SPSB4: variants seen among roughly 807,000 people sequenced by gnomAD.
The protein encoded by SPSB4 is SPRY domain-containing SOCS box protein 4.
A neutral mutation model predicts 20.9 loss-of-function variants in SPSB4; 21 were observed. That is an observed-to-expected ratio of 1.01 (90% CI 0.71 to 1.45). The LOEUF is 1.45. Among genes scored for constraint, SPSB4 ranks in the 40% most tolerant of loss-of-function variants. SPSB4 has a pLI of 0.00. For synonymous variants in SPSB4, 207 were observed against 183.8 expected (o/e 1.13, Z -1.02); for missense variants, 399 against 399.2 (o/e 1.00, Z 0.00).
chr3:141,114,426 G>A (rs1938853715), intron 2 of SPSB4, among the ~76,000 whole-genome samples: 2 of 152,224 alleles, frequency 1.3e-5, no homozygotes, highest in Admixed American at 1.3e-4. Context: ...TGAATGCGCA[G>A]GTGCCTGTCC....
chr3:141,072,350 C>G (rs1938023548), intron 2 of SPSB4, among the ~76,000 whole-genome samples: 1 of 152,190 alleles, frequency 6.6e-6, no homozygotes, highest in Non-Finnish European at 1.5e-5. Context: ...TATTTGTTTC[C>G]TACAAATCTC....
intron 2 of SPSB4, among the ~76,000 whole-genome samples, chr3:141,142,728 G>A (rs1320912192): frequency 2.0e-5 from 3 of 148,858 alleles, no homozygotes; most frequent in Admixed American, 6.7e-5. Flanking sequence ...CCTGTGTTAG[G>A]TACATATATA....
intron 2 of SPSB4, among the ~76,000 whole-genome samples, chr3:141,097,768 A>G (rs1253731275): frequency 1.3e-5 from 2 of 152,176 alleles, no homozygotes; most frequent in Non-Finnish European, 2.9e-5. Context: ...GCAAAAGGTC[A>G]GTGAGCCTCT....
chr3:141,095,674 G>T (rs1399650938), intron 2 of SPSB4, among the ~76,000 whole-genome samples: 1 of 152,144 alleles, frequency 6.6e-6, no homozygotes, highest in Non-Finnish European at 1.5e-5. Flanking sequence ...TGTCCCCTCG[G>T]AACATTCTGG....
At position 141,111,354 on chromosome 3, in the gene SPSB4, CTTTTTTTTTTTTT is replaced by C. The variant is rs34223433; in HGVS notation, c.695-35774_695-35762del. 6.5e-5 allele frequency among the ~76,000 whole-genome samples: 4 copies of C among 61,810 alleles called. No homozygotes were observed. In the East Asian group the frequency reaches 2.5e-3, roughly 39 times the overall value. The allele number at this position is 61,810 out of a possible 152,430, so 40.5% of individuals were successfully genotyped here. ...CCTAATTACTAAACCCTGGAACTTG[CTTTTTTTTTTTTT>C]TTTTTTTTTTTTTGGTAAGGGACAA... On this transcript the variant is annotated intron_variant, in intron 2 of 2. Coordinates refer to ENST00000310546, the MANE Select transcript of SPSB4 (RefSeq NM_080862.3).
At position 141,138,972 on chromosome 3, in the gene SPSB4, G is replaced by A. The variant is rs1253610660; in HGVS notation, c.695-8170G>A. On this transcript the variant is annotated intron_variant, in intron 2 of 2. Coordinates refer to ENST00000310546, the MANE Select transcript of SPSB4 (RefSeq NM_080862.3). ...CCATTATTATTGTGTGGGTGTCTAAGTCTTTTTGTAGGTTACTAAGGACTT... is the reference window on the plus strand; with the variant it reads ...CCATTATTATTGTGTGGGTGTCTAAATCTTTTTGTAGGTTACTAAGGACTT... 2.0e-5 allele frequency among the ~76,000 whole-genome samples: 3 copies of A among 152,288 alleles called. No homozygotes were observed. In the South Asian group the frequency reaches 6.2e-4, roughly 32 times the overall value.
rs151266368 is a variant in SPSB4 at position 141,082,278 on chromosome 3, C to T, written c.694+15480C>T. On this transcript the variant is annotated intron_variant, in intron 2 of 2. Coordinates refer to ENST00000310546, the MANE Select transcript of SPSB4 (RefSeq NM_080862.3). Reference sequence around the variant, plus strand: ...GCTTTGCCAGGTCTCCCAGGGAGTGCGCCTGGCAGGAGGTAGCCCAGTGCC... The same window carrying T: ...GCTTTGCCAGGTCTCCCAGGGAGTGTGCCTGGCAGGAGGTAGCCCAGTGCC... Among the ~76,000 whole-genome samples, 1,079 of 152,340 alleles carry T rather than the reference C, an allele frequency of 7.1e-3. 11 individuals are homozygous for T. The highest frequency in any genetic ancestry group is 0.025 in the African/African-American group (1,022 of 41,588).
In SPSB4 at chr3:141,142,966, G is replaced by A. The variant is rs969947488; in HGVS notation, c.695-4176G>A. ...CGAGTAGCTGGGACTACAGGCACCCGCCACCACGCCCAGCTAATTTTTTGT... is the reference window on the plus strand; with the variant it reads ...CGAGTAGCTGGGACTACAGGCACCCACCACCACGCCCAGCTAATTTTTTGT... On this transcript the variant is annotated intron_variant, in intron 2 of 2. Transcript: ENST00000310546. 9.2e-5 allele frequency among the ~76,000 whole-genome samples: 14 copies of A among 151,514 alleles called. No homozygotes were observed. The East Asian group carries it at 9.7e-4, about 10-fold the overall frequency.
rs554884826 is a variant in SPSB4 at position 141,147,185 on chromosome 3, C to G, written c.738C>G (p.Arg246=). ...PLMDLCRRSI[R]SALGRQRLQD... is the part of the protein sequence containing the mutation. ...TGGACCTGTGCCGGAGATCCATCCGCTCGGCCCTGGGCCGCCAGCGCCTGC... is the reference window on the plus strand; with the variant it reads ...TGGACCTGTGCCGGAGATCCATCCGGTCGGCCCTGGGCCGCCAGCGCCTGC... The change falls in exon 3 of 3, where the codon CGC becomes CGG. Residue 246 remains arginine, a synonymous_variant. Coordinates refer to ENST00000310546, the MANE Select transcript of SPSB4 (RefSeq NM_080862.3). 5 of 1,614,228 alleles carry G rather than the reference C, an allele frequency of 3.1e-6. No homozygotes were observed. The African/African-American group carries it at 5.3e-5, about 17-fold the overall frequency.
chr3:141,057,896 T>C (rs1470360689), intron 1 of SPSB4, among the ~76,000 whole-genome samples: 1 of 152,244 alleles, frequency 6.6e-6, no homozygotes, highest in Non-Finnish European at 1.5e-5. Context: ...TTGTCATTAT[T>C]CAGATCTCTC....
At chr3:141,140,883 A>C (rs1413170927) in intron 2 of SPSB4, among the ~76,000 whole-genome samples, 1 of 151,182 alleles carries the variant, frequency 6.6e-6, no homozygotes, top group African/African-American at 2.4e-5. Flanking sequence ...TTAAGACTGC[A>C]GAGGTTATTG....
chr3:141,112,276 C>T (rs1938811378), intron 2 of SPSB4, among the ~76,000 whole-genome samples: 1 of 152,246 alleles, frequency 6.6e-6, no homozygotes, highest in Admixed American at 6.5e-5. Context: ...GTACAGTAGA[C>T]ACACTAGTGA....
rs200222428 is a variant in SPSB4, at chr3:141,147,438, G to T, written c.*169G>T. On this transcript the variant is annotated 3_prime_UTR_variant, in exon 3 of 3. Transcript: ENST00000310546. ...GTGGTACCAACTTTGGAAACGAAAG[G>T]TCTCTTGCCAACAGTATCTACTGCC... is the stretch of plus-strand genomic sequence containing the variant. 27 of 1,177,996 alleles carry T rather than the reference G, an allele frequency of 2.3e-5. No homozygotes were observed. The East Asian group carries it at 5.5e-4, about 24-fold the overall frequency. The allele number at this position is 1,177,996 out of a possible 1,614,324, so 73.0% of individuals were successfully genotyped here.
At chr3:141,136,671 AG>A (rs1278356979) in intron 2 of SPSB4, among the ~76,000 whole-genome samples, 1 of 152,056 alleles carries the variant, frequency 6.6e-6, no homozygotes, top group Non-Finnish European at 1.5e-5. Context: ...ATTATTTCTG[AG>A]GGCTCTGTTC....
chr3:141,137,607 C>T (rs576000168), intron 2 of SPSB4, among the ~76,000 whole-genome samples: 1 of 152,226 alleles, frequency 6.6e-6, no homozygotes, highest in Admixed American at 6.5e-5. Context: ...TGGTTTTTGT[C>T]ATTTGTTCTG....
intron 2 of SPSB4, among the ~76,000 whole-genome samples, chr3:141,099,475 T>C (rs1274998820): frequency 6.6e-6 from 1 of 152,256 alleles, no homozygotes; most frequent in Non-Finnish European, 1.5e-5. Flanking sequence ...CAAGGAATGC[T>C]CTTATTTATA....
chr3:141,072,494 G>A (rs1467648526), intron 2 of SPSB4, among the ~76,000 whole-genome samples: 1 of 152,124 alleles, frequency 6.6e-6, no homozygotes, highest in African/African-American at 2.4e-5. Flanking sequence ...TCATGTGGGA[G>A]CTGGTTGTTT....
chr3:141,087,071 C>T (rs186583965), intron 2 of SPSB4, among the ~76,000 whole-genome samples: 70 of 152,292 alleles, frequency 4.6e-4, no homozygotes, highest in African/African-American at 1.2e-3. Flanking sequence ...AGATGACACG[C>T]GCACAGCACA....
At chr3:141,125,312 CCTT>C (rs1377785831) in intron 2 of SPSB4, among the ~76,000 whole-genome samples, 2 of 152,156 alleles carry the variant, frequency 1.3e-5, no homozygotes, top group African/African-American at 2.4e-5. Context: ...GAGGTTAGCT[CCTT>C]CTCTCCGTTT....
Sources: allele counts gnomAD v4.1 joint callset (sites outside exome capture counted in the v4.1 genomes callset), GRCh38; gene constraint gnomAD v4.1.1; transcripts MANE v1.5; gene names NCBI Gene and HGNC (gene_info 2026-07-23, HGNC 2026-07-21).